Variants in ZBTB20 observed in about 807,000 individuals in gnomAD.
ZBTB20 encodes the protein zinc finger and BTB domain containing 20, also known as zinc finger and BTB domain-containing protein 20.
In ZBTB20, 9 loss-of-function variants were observed where a neutral mutation model predicts 56.9. That is an observed-to-expected ratio of 0.16 (90% CI 0.10 to 0.28). The LOEUF is 0.28. Ranked by LOEUF, ZBTB20 falls within the 10% of genes least tolerant of loss-of-function variation. The probability of loss-of-function intolerance (pLI) is 1.00; values close to 1 mark genes in which losing one functional copy is unlikely to be tolerated. For missense variants in ZBTB20, 655 were observed against 1,003.0 expected, an observed-to-expected ratio of 0.65 and a Z score of 4.69; for synonymous variants, 417 against 420.7, an observed-to-expected ratio of 0.99 and a Z score of 0.11.
intron 1 of ZBTB20, among the ~76,000 whole-genome samples, chr3:115,094,161 A>C (rs1461186593): frequency 6.6e-6 from 1 of 152,070 alleles, no homozygotes; most frequent in Non-Finnish European, 1.5e-5. Flanking sequence ...GAACTAGAGA[A>C]AGTAAGGGCT....
At chr3:115,028,003 C>G (rs948790642) in intron 2 of ZBTB20, among the ~76,000 whole-genome samples, 18 of 150,594 alleles carry the variant, frequency 1.2e-4, no homozygotes, top group African/African-American at 4.4e-4. Flanking sequence ...CTAAATTTAG[C>G]TAATTAACAC....
At chr3:115,082,450 CAT>C (rs533233566) in intron 1 of ZBTB20, among the ~76,000 whole-genome samples, 68 of 152,246 alleles carry the variant, frequency 4.5e-4, no homozygotes, top group African/African-American at 1.6e-3. Flanking sequence ...GCTTATAAAA[CAT>C]GTGAAAATAT....
intron 3 of ZBTB20, among the ~76,000 whole-genome samples, chr3:114,958,150 TC>T (rs1427637538): frequency 3.3e-5 from 5 of 152,214 alleles, no homozygotes; most frequent in Admixed American, 6.5e-5. Context: ...TTTGTCAAGC[TC>T]CCTTTTCAGG....
Position 114,325,799 on chromosome 3 carries a change from C to T in ZBTB20, c.*13206G>A, listed in dbSNP as rs1003583746. Reference sequence around the variant, plus strand: ...TAGCACAAAAGAAAGGTTACAAAAACGTTGTCAGGCTATCTGTTAATCGAG... The same window carrying T: ...TAGCACAAAAGAAAGGTTACAAAAATGTTGTCAGGCTATCTGTTAATCGAG... On this transcript the variant is annotated 3_prime_UTR_variant, in exon 12 of 12. Transcript: ENST00000675478. 4 of 152,162 alleles carry T rather than the reference C, an allele frequency of 2.6e-5. No homozygotes were observed. The highest frequency in any genetic ancestry group is 2.1e-4 in the South Asian group (1 of 4,834). 9.4% of individuals were successfully genotyped at this position (152,162 alleles called of 1,614,324 possible).
chr3:115,128,965 G>A (rs2084422046), intron 1 of ZBTB20, among the ~76,000 whole-genome samples: 1 of 152,092 alleles, frequency 6.6e-6, no homozygotes, highest in South Asian at 2.1e-4. Flanking sequence ...CTGGCGTGGT[G>A]TCGGGCGCCT....
Position 114,676,532 on chromosome 3 carries a change from T to G in ZBTB20, c.-295+16996A>C, listed in dbSNP as rs542961406. Among the ~76,000 whole-genome samples the G allele has an allele frequency of 1.2e-3, 176 of 152,276 alleles. 1 individual carries two copies. The highest frequency in any genetic ancestry group is 3.7e-3 in the African/African-American group (152 of 41,572). ...TTCAGAAAAATTGTGAATATGAATC[T>G]TTTTTGTCTCGTGTAGGGGTTCCCA... is the stretch of plus-strand genomic sequence containing the variant. On this transcript the variant is annotated intron_variant, in intron 6 of 11. Coordinates refer to ENST00000675478, the MANE Select transcript of ZBTB20 (RefSeq NM_001348800.3).
rs1038165145 is a variant in ZBTB20 at position 114,319,543 on chromosome 3, C to G, written c.*19462G>C. ...AAAAATACCGCTGTTCTTCCCTTTA[C>G]TGTGCATTTGTATGGGTAAACGGGC... On this transcript the variant is annotated 3_prime_UTR_variant, in exon 12 of 12. Transcript: ENST00000675478. 3.3e-5 allele frequency: 5 copies of G among 152,148 alleles called. No homozygotes were observed. Among genetic ancestry groups the G allele is most frequent in the African/African-American group, 1.2e-4 (5 of 41,426 alleles). The allele number at this position is 152,148 out of a possible 1,614,324, so 9.4% of individuals were successfully genotyped here. A position where few individuals can be genotyped will look rare whatever the true frequency, so the allele number is the denominator to read the frequency against.
At chr3:114,690,831 G>C (rs930762039) in intron 6 of ZBTB20, among the ~76,000 whole-genome samples, 4 of 152,026 alleles carry the variant, frequency 2.6e-5, no homozygotes, top group Non-Finnish European at 5.9e-5. Flanking sequence ...AAGTAGATTT[G>C]CCATATTTAT....
At chr3:114,896,100 C>G (rs2074867611) in intron 4 of ZBTB20, among the ~76,000 whole-genome samples, 1 of 152,140 alleles carries the variant, frequency 6.6e-6, no homozygotes, top group African/African-American at 2.4e-5. Context: ...TCTTGCTAAA[C>G]CTAACTCAAC....
At chr3:114,747,162 T>C (rs954716674) in intron 5 of ZBTB20, among the ~76,000 whole-genome samples, 17 of 152,232 alleles carry the variant, frequency 1.1e-4, no homozygotes, top group African/African-American at 3.9e-4. Flanking sequence ...AATACTAACC[T>C]TTTAGAACTG....
At chr3:114,861,534 T>C (rs1289736924) in intron 4 of ZBTB20, among the ~76,000 whole-genome samples, 1 of 152,108 alleles carries the variant, frequency 6.6e-6, no homozygotes, top group Non-Finnish European at 1.5e-5. Flanking sequence ...ATTAACAAAG[T>C]CTATGTGGAA....
chr3:114,523,645 A>G (rs1207910209), intron 6 of ZBTB20, among the ~76,000 whole-genome samples: 1 of 152,200 alleles, frequency 6.6e-6, no homozygotes, highest in Non-Finnish European at 1.5e-5. Context: ...GAGTTTATCC[A>G]TAGTTGCAGG....
At chr3:115,046,968 T>C (rs2081355693) in intron 2 of ZBTB20, among the ~76,000 whole-genome samples, 2 of 152,204 alleles carry the variant, frequency 1.3e-5, no homozygotes, top group Admixed American at 1.3e-4. Context: ...TAAAATTTAA[T>C]TATCTGCTAC....
intron 6 of ZBTB20, among the ~76,000 whole-genome samples, chr3:114,504,992 T>C (rs2044426805): frequency 2.0e-5 from 3 of 152,342 alleles, no homozygotes; most frequent in Admixed American, 2.0e-4. Flanking sequence ...CCCTTGAATC[T>C]GGGCTCATTC....
At chr3:115,097,144 G>A (rs2108593065) in intron 1 of ZBTB20, among the ~76,000 whole-genome samples, 1 of 152,210 alleles carries the variant, frequency 6.6e-6, no homozygotes, top group Admixed American at 6.5e-5. Flanking sequence ...CTTAGCATTT[G>A]AATTATATGG....
intron 7 of ZBTB20, among the ~76,000 whole-genome samples, chr3:114,397,217 C>T (rs1050245509): frequency 1.3e-5 from 2 of 152,134 alleles, no homozygotes; most frequent in African/African-American, 4.8e-5. Flanking sequence ...CACATGCATG[C>T]TACCTGGACC....
intron 7 of ZBTB20, among the ~76,000 whole-genome samples, chr3:114,484,798 A>AGAGAGTGT (rs1553726432): frequency 2.0e-5 from 3 of 150,606 alleles, no homozygotes; most frequent in African/African-American, 7.3e-5. Flanking sequence ...ATATCAATAG[A>AGAGAGTGT]GTGTGTGTGT....
chr3:114,729,444 G>A (rs975089803), intron 5 of ZBTB20, among the ~76,000 whole-genome samples: 1 of 152,104 alleles, frequency 6.6e-6, no homozygotes, highest in African/African-American at 2.4e-5. Context: ...CTTTATGCAT[G>A]CATTTACTTG....
At chr3:115,030,235 C>T (rs1257568405) in intron 2 of ZBTB20, among the ~76,000 whole-genome samples, 1 of 151,032 alleles carries the variant, frequency 6.6e-6, no homozygotes, top group Non-Finnish European at 1.5e-5. Flanking sequence ...GATCCTCCTT[C>T]CTTCCCTGTC....
Sources: allele counts gnomAD v4.1 joint callset (sites outside exome capture counted in the v4.1 genomes callset), GRCh38; gene constraint gnomAD v4.1.1; transcripts MANE v1.5; gene names NCBI Gene and HGNC (gene_info 2026-07-23, HGNC 2026-07-21).